Variants in AFF1 observed in about 807,000 individuals in gnomAD.
The protein encoded by AFF1 is AF4/FMR2 family member 1.
Under a neutral mutation model 121.7 loss-of-function variants are expected in AFF1, and 48 were observed. The ratio of observed to expected loss-of-function variants is 0.39; its 90% CI spans 0.31 to 0.50. The LOEUF (loss-of-function observed/expected upper bound fraction) is 0.50, where lower values mean the gene tolerates loss of function less well. AFF1 is among the 20% of genes least tolerant of loss of function. The pLI is 0.76. For synonymous variants in AFF1, 613 were observed against 563.0 expected, an observed-to-expected ratio of 1.09 and a Z score of -1.26; for missense variants, 1,523 against 1,511.7, an observed-to-expected ratio of 1.01 and a Z score of -0.12.
chr4:86,951,197 A>T (rs1342805210), intron 2 of AFF1, among the ~76,000 whole-genome samples: 1 of 152,190 alleles, frequency 6.6e-6, no homozygotes, highest in Non-Finnish European at 1.5e-5. Context: ...GGCTCTTTTA[A>T]GCGGAACACA....
chr4:87,114,968 C>G lies in AFF1; in HGVS notation c.2135C>G (p.Pro712Arg). ...DRTPEHFALVPLTESQGPPHS... is the reference protein window; with the variant it reads ...DRTPEHFALVRLTESQGPPHS... ...ACCCCTGAGCACTTTGCTCTTGTTCCCCTGACTGAGAGCCAGGGCCCACCC... is the reference window on the plus strand; with the variant it reads ...ACCCCTGAGCACTTTGCTCTTGTTCGCCTGACTGAGAGCCAGGGCCCACCC... Residue 712 changes from proline (P) to arginine (R), a missense_variant, in exon 12 of 21, where the codon CCC becomes CGC. Physicochemically the swap from Pro to Arg is moderately radical, Grantham distance 103. Coordinates refer to ENST00000395146, the MANE Select transcript of AFF1 (RefSeq NM_001166693.3). 2.5e-6 allele frequency: 4 copies of G among 1,613,368 alleles called. No individual in the cohort carries two copies. The highest frequency in any genetic ancestry group is 3.4e-6 in the Non-Finnish European group (4 of 1,179,622).
chr4:86,987,025 G>C (rs541529033), intron 2 of AFF1, among the ~76,000 whole-genome samples: 1 of 151,682 alleles, frequency 6.6e-6, no homozygotes, highest in African/African-American at 2.4e-5. Flanking sequence ...ATTATTTTTT[G>C]TAGAGATGGG....
chr4:87,049,587 TGGCACCAG>T, intron 4 of AFF1: 13 of 430,794 alleles, frequency 3.0e-5, no homozygotes, highest in Admixed American at 2.1e-4. Flanking sequence ...GTTTTTTTTT[TGGCACCAG>T]TGCATCTGCT....
At chr4:87,089,690 T>C (rs1724100353) in intron 5 of AFF1, among the ~76,000 whole-genome samples, 2 of 152,252 alleles carry the variant, frequency 1.3e-5, no homozygotes, top group Non-Finnish European at 2.9e-5. Context: ...TGGCAGTACC[T>C]GTTACGTACA....
chr4:87,045,840 A>G (rs1353982320), intron 2 of AFF1, among the ~76,000 whole-genome samples: 7 of 152,296 alleles, frequency 4.6e-5, no homozygotes, highest in African/African-American at 1.4e-4. Context: ...GAAAATAAAA[A>G]TATCATTAAT....
chr4:87,012,441 A>AGTT (rs1185279962), intron 2 of AFF1, among the ~76,000 whole-genome samples: 2 of 152,128 alleles, frequency 1.3e-5, no homozygotes, highest in African/African-American at 4.8e-5. Context: ...AGAAACATAT[A>AGTT]GTGAGGCTAA....
At chr4:87,053,207 T>C (rs1731442489) in intron 4 of AFF1, among the ~76,000 whole-genome samples, 2 of 152,186 alleles carry the variant, frequency 1.3e-5, no homozygotes, top group Admixed American at 1.3e-4. Context: ...TGGCTTTGAG[T>C]CCTGATTGTG....
intron 12 of AFF1, among the ~76,000 whole-genome samples, chr4:87,118,483 A>T (rs997172185): frequency 4.6e-5 from 7 of 152,162 alleles, no homozygotes; most frequent in Non-Finnish European, 1.0e-4. Flanking sequence ...TTCTTTTAAA[A>T]TTTTTTTATT....
intron 2 of AFF1, among the ~76,000 whole-genome samples, chr4:87,002,977 G>T (rs1440598323): frequency 6.6e-6 from 1 of 152,166 alleles, no homozygotes; most frequent in Non-Finnish European, 1.5e-5. Flanking sequence ...GAAGATGGTG[G>T]GTTGGATACA....
chr4:87,036,946 C>T (rs1330179570), intron 2 of AFF1: 1 of 359,862 alleles, frequency 2.8e-6, no homozygotes, highest in East Asian at 8.3e-5. Flanking sequence ...ATCCTCCCAT[C>T]TCAGCTTCCC....
Position 87,137,227 on chromosome 4 carries a change from T to C in AFF1, c.*1526T>C, listed in dbSNP as rs1729373312. On this transcript the variant is annotated 3_prime_UTR_variant, in exon 21 of 21. Coordinates refer to ENST00000395146, the MANE Select transcript of AFF1 (RefSeq NM_001166693.3). ...GGAGTGTCATCTCTATAACTTTTTCTCCGCCTTTGTCCCATTCTGCCCCTG... is the reference window on the plus strand; with the variant it reads ...GGAGTGTCATCTCTATAACTTTTTCCCCGCCTTTGTCCCATTCTGCCCCTG... The C allele has an allele frequency of 4.4e-6, 1 of 228,514 alleles. No individual in the cohort carries two copies. The highest frequency in any genetic ancestry group is 2.2e-5 in the African/African-American group (1 of 45,220). The allele number at this position is 228,514 out of a possible 1,614,324, so 14.2% of individuals were successfully genotyped here.
intron 2 of AFF1, among the ~76,000 whole-genome samples, chr4:86,985,212 T>TAA (rs1724140349): frequency 1.0e-5 from 1 of 99,058 alleles, no homozygotes; most frequent in Non-Finnish European, 2.3e-5. Context: ...TATATATATA[T>TAA]ATAAAATTAT....
chr4:87,013,043 T>TTTTTTTTTTTTTG (rs1406400331), intron 2 of AFF1, among the ~76,000 whole-genome samples: 2 of 132,018 alleles, frequency 1.5e-5, no homozygotes, highest in African/African-American at 6.5e-5. Context: ...TTTTTTTTTT[T>TTTTTTTTTTTTTG]TTTTTTTTTT....
intron 4 of AFF1, among the ~76,000 whole-genome samples, chr4:87,074,081 G>A (rs941696862): frequency 1.3e-5 from 2 of 151,806 alleles, no homozygotes; most frequent in Non-Finnish European, 1.5e-5. Context: ...CCTCCCTGCA[G>A]CAATAGGTTT....
In AFF1 at chr4:87,090,036, C is replaced by G; in HGVS notation, c.1157C>G (p.Thr386Arg). 6.2e-7 allele frequency: 1 copy of G among 1,613,918 alleles called. No homozygotes were observed. The highest frequency in any genetic ancestry group is 8.5e-7 in the Non-Finnish European group (1 of 1,179,936). Residue 386 changes from threonine to arginine, a missense_variant, in exon 6 of 21, where the codon ACA becomes AGA. Coordinates refer to ENST00000395146, the MANE Select transcript of AFF1 (RefSeq NM_001166693.3). Reference sequence around the variant, plus strand: ...TTGACAGCAATACATACGCCTAGTACAGCTGAGCCATCCAAGTTTCCTTTC... The same window carrying G: ...TTGACAGCAATACATACGCCTAGTAGAGCTGAGCCATCCAAGTTTCCTTTC... ...PPLTAIHTPS[T>R]AEPSKFPFPT...
chr4:87,105,692 G>T lies in AFF1; in HGVS notation c.1338+10G>T, dbSNP rs770591416. 6.2e-7 allele frequency: 1 copy of T among 1,614,122 alleles called. No homozygotes were observed. The highest frequency in any genetic ancestry group is 8.5e-7 in the Non-Finnish European group (1 of 1,180,006). On this transcript the variant is annotated intron_variant, in intron 9 of 20. Transcript: ENST00000395146. ...CAGTGACAGTGAACAAGTAAGTGTT[G>T]CACAGCCTGTAATACCAGGAGTCCT... is the stretch of plus-strand genomic sequence containing the variant.
chr4:86,975,628 C>G (rs1723246877), intron 2 of AFF1, among the ~76,000 whole-genome samples: 2 of 152,126 alleles, frequency 1.3e-5, no homozygotes, highest in South Asian at 4.1e-4. Flanking sequence ...GTTGAGGATA[C>G]AAAACTCATT....
At chr4:86,992,864 T>G (rs2149508053) in intron 2 of AFF1, among the ~76,000 whole-genome samples, 1 of 152,328 alleles carries the variant, frequency 6.6e-6, no homozygotes, top group Non-Finnish European at 1.5e-5. Context: ...ATTAATCAGC[T>G]TTTTGTTCTC....
chr4:87,117,632 G>T (rs1727257992), intron 12 of AFF1, among the ~76,000 whole-genome samples: 1 of 152,194 alleles, frequency 6.6e-6, no homozygotes, highest in African/African-American at 2.4e-5. Context: ...GCAGTGTTTA[G>T]ACATCATGAT....
Sources: gnomAD v4.1 joint callset for allele counts (sites outside exome capture counted in the v4.1 genomes callset) on GRCh38, gnomAD v4.1.1 for gene constraint, MANE v1.5 for transcripts, NCBI Gene and HGNC (gene_info 2026-07-23, HGNC 2026-07-21) for gene names.